MAMDC4: variants seen among roughly 807,000 people sequenced by gnomAD.
The protein encoded by MAMDC4 is apical endosomal glycoprotein.
Under a neutral mutation model 153.3 loss-of-function variants are expected in MAMDC4, and 168 were observed. The ratio of observed to expected loss-of-function variants is 1.10; its 90% CI spans 0.97 to 1.25. The LOEUF (loss-of-function observed/expected upper bound fraction) is 1.25. Ranked by LOEUF, MAMDC4 falls within the 50% of genes most tolerant of loss-of-function variation. The pLI is 0.00. For missense variants in MAMDC4, 1,701 were observed against 1,542.8 expected, an observed-to-expected ratio of 1.10 and a Z score of -1.72; for synonymous variants, 744 against 651.5, an observed-to-expected ratio of 1.14 and a Z score of -2.16.
chr9:136,859,067 G>C lies in MAMDC4; in HGVS notation c.3019G>C (p.Gly1007Arg). 2 of 1,554,742 alleles carry C rather than the reference G, an allele frequency of 1.3e-6. No homozygotes were observed. The highest frequency in any genetic ancestry group is 1.7e-6 in the Non-Finnish European group (2 of 1,148,516). The change falls in exon 24 of 27, where the codon GGC (glycine) becomes CGC (arginine). Residue 1007 changes from glycine (G) to arginine (R), a missense_variant. Transcript: ENST00000317446. ...GGGCCAGCTGGCTGTGTGGGGCGCA[G>C]GCGGGCATCGGCGGCACCAGTGGCT... ...AQGQLAVWGAGGHRRHQWLEA... is the reference protein window; with the variant it reads ...AQGQLAVWGARGHRRHQWLEA...
At chr9:136,857,114 C>T in intron 16 of MAMDC4, 51 bp from the exon 17 acceptor site, 1 of 1,605,208 alleles carries the variant, frequency 6.2e-7, no homozygotes, top group Non-Finnish European at 8.5e-7. Flanking sequence ...GCTCTGACAC[C>T]CATCAAGGCA....
rs377568043 is a variant in MAMDC4, at chr9:136,857,481, T to C, written c.2221T>C (p.Cys741Arg). ...TTACTGCTCCTTTGAGGACTCAGAC[T>C]GCGGCTTCTCCCCTGGAGGCCAAGG... The part of the protein sequence containing the change: ...PNYCSFEDSD[C>R]GFSPGGQGLW... The change falls in exon 18 of 27, where the codon TGC becomes CGC. Residue 741 changes from cysteine (C) to arginine (R), a missense_variant. By Grantham distance (180) the Cys-to-Arg change is radical. Coordinates refer to ENST00000317446, the MANE Select transcript of MAMDC4 (RefSeq NM_206920.3). The C allele has an allele frequency of 8.1e-6, 13 of 1,609,358 alleles. No individual in the cohort carries two copies. In the African/African-American group the frequency reaches 1.5e-4, roughly 18 times the overall value.
In MAMDC4 at chr9:136,853,449, A is replaced by G. The variant is rs755850870; in HGVS notation, c.319A>G (p.Thr107Ala). 6.2e-7 allele frequency: 1 copy of G among 1,602,756 alleles called. No individual in the cohort carries two copies. Residue 107 changes from threonine (T) to alanine (A), a missense_variant, in exon 3 of 27, where the codon ACC (threonine) becomes GCC (alanine). Transcript: ENST00000317446. ...GCCTCACTCAGACCACACACTGGGC[A>G]CCGACTTGGGTGAGGCCAGGGCAAG... is the stretch of plus-strand genomic sequence containing the variant. ...PGPHSDHTLGTDLGWYMAVGT... is the reference protein window; with the variant it reads ...PGPHSDHTLGADLGWYMAVGT...
rs1343903570 is a variant in MAMDC4 at position 136,854,091 on chromosome 9, C to T, written c.670+15C>T. 1.9e-6 allele frequency: 3 copies of T among 1,612,484 alleles called. 1 individual carries two copies. In the South Asian group the frequency reaches 3.3e-5, roughly 18 times the overall value. Reference sequence around the variant, plus strand: ...TGGTCTGCCCAGTAAGGCACCGCCTCTTCCTGTTCCACCCCCGGGAGGGCC... The same window carrying T: ...TGGTCTGCCCAGTAAGGCACCGCCTTTTCCTGTTCCACCCCCGGGAGGGCC... On this transcript the variant is annotated intron_variant, in intron 6 of 26. Coordinates refer to ENST00000317446, the MANE Select transcript of MAMDC4 (RefSeq NM_206920.3).
At position 136,859,195 on chromosome 9, in the gene MAMDC4, T is replaced by A. The variant is rs1196199288; in HGVS notation, c.3085-14T>A. ...CACCCAGGGCCCACACAAACTCCTT[T>A]CCTTCTCCATCAGATCGTGTTTGAA... is the stretch of plus-strand genomic sequence containing the variant. On this transcript the variant is annotated splice_polypyrimidine_tract_variant and intron_variant, in intron 24 of 26. Coordinates refer to ENST00000317446, the MANE Select transcript of MAMDC4 (RefSeq NM_206920.3). The A allele has an allele frequency of 6.2e-7, 1 of 1,607,342 alleles. No individual in the cohort carries two copies. Among genetic ancestry groups the A allele is most frequent in the Non-Finnish European group, 8.5e-7 (1 of 1,176,878 alleles).
At chr9:136,856,278 T>G in intron 14 of MAMDC4, 129 bp downstream of exon 14, 4 of 1,440,220 alleles carry the variant, frequency 2.8e-6, no homozygotes, top group Non-Finnish European at 3.9e-6. Flanking sequence ...CTAGTTGTGG[T>G]GGACAACGGC....
At position 136,854,346 on chromosome 9, in the gene MAMDC4, G is replaced by A. The variant is rs1320145319; in HGVS notation, c.796+10G>A. The A allele has an allele frequency of 2.6e-6, 4 of 1,541,554 alleles. No homozygotes were observed. On this transcript the variant is annotated intron_variant, in intron 7 of 26. Coordinates refer to ENST00000317446, the MANE Select transcript of MAMDC4 (RefSeq NM_206920.3). ...AACCCACTCACCTGTGGTGAGGCCG[G>A]AGTGGGGGCCCAGAGTGAGGCTGGG...
At position 136,853,996 on chromosome 9, in the gene MAMDC4, CCTT is replaced by C; in HGVS notation, c.593_595del (p.Phe198del). 2 of 1,612,926 alleles carry C rather than the reference CCTT, an allele frequency of 1.2e-6. No individual in the cohort carries two copies. The highest frequency in any genetic ancestry group is 1.7e-5 in the Admixed American group (1 of 60,008). On this transcript the variant is annotated inframe_deletion, in exon 6 of 27. Transcript: ENST00000317446. ...CTAAGAGCCTGTTCTCTTCAGGTGA[CCTT>C]CTCTGCCACCCGAAATGCCACCCAC... is the stretch of plus-strand genomic sequence containing the variant.
Position 136,856,097 on chromosome 9 carries a change from T to C in MAMDC4, c.1668T>C (p.Ser556=), listed in dbSNP as rs1176255115. The C allele has an allele frequency of 6.2e-7, 1 of 1,612,352 alleles. No individual in the cohort carries two copies. Among genetic ancestry groups the C allele is most frequent in the Non-Finnish European group, 8.5e-7 (1 of 1,179,880 alleles). ...ARVLTPLLGP[S]GPSCELHLAY... Reference sequence around the variant, plus strand: ...TCCTCACACCCCTCCTTGGCCCTTCTGGCCCCAGCTGTGAACTCCACCTGG... The same window carrying C: ...TCCTCACACCCCTCCTTGGCCCTTCCGGCCCCAGCTGTGAACTCCACCTGG... Residue 556 remains serine (S), a synonymous_variant, in exon 14 of 27, where the codon TCT becomes TCC. Coordinates refer to ENST00000317446, the MANE Select transcript of MAMDC4 (RefSeq NM_206920.3).
At position 136,858,720 on chromosome 9, in the gene MAMDC4, C is replaced by T. The variant is rs1263723689; in HGVS notation, c.2823C>T (p.Gly941=). 9.9e-6 allele frequency: 16 copies of T among 1,612,164 alleles called. No homozygotes were observed. In the East Asian group the frequency reaches 2.9e-4, roughly 29 times the overall value. The change falls in exon 23 of 27, where the codon GGC becomes GGT. Residue 941 remains glycine, a splice_region_variant and synonymous_variant. Coordinates refer to ENST00000317446, the MANE Select transcript of MAMDC4 (RefSeq NM_206920.3). ...GCATCAGCCTCCTCTTGTTCCCAGGCCACTTTGCCTTCTTTGAAACTGGCG... is the reference window on the plus strand; with the variant it reads ...GCATCAGCCTCCTCTTGTTCCCAGGTCACTTTGCCTTCTTTGAAACTGGCG... ...PVDHTLGTEA[G]HFAFFETGVL...
intron 13 of MAMDC4, 73 bp downstream of exon 13, chr9:136,855,921 C>T (rs1848997891): frequency 7.9e-6 from 12 of 1,518,986 alleles, no homozygotes; most frequent in African/African-American, 1.4e-5. Flanking sequence ...CTCTGCTCTG[C>T]CTCTGCACTA....
At position 136,853,352 on chromosome 9, in the gene MAMDC4, C is replaced by G; in HGVS notation, c.222C>G (p.Gly74=). The G allele has an allele frequency of 6.2e-7, 1 of 1,607,328 alleles. No homozygotes were observed. The highest frequency in any genetic ancestry group is 8.5e-7 in the Non-Finnish European group (1 of 1,175,840). Residue 74 remains glycine, a synonymous_variant, in exon 3 of 27, where the codon GGC becomes GGG. Coordinates refer to ENST00000317446, the MANE Select transcript of MAMDC4 (RefSeq NM_206920.3). ...GTGACTTCGAGCAGGACCCCTGCGG[C>G]TGGCGGGACATTAGTACCTCAGGCT... The part of the protein sequence containing the change: ...FACDFEQDPC[G]WRDISTSGYS...
chr9:136,859,772 G>A (rs906092464), intron 25 of MAMDC4, 114 bp from the exon 26 acceptor site: 1 of 1,110,942 alleles, frequency 9.0e-7, no homozygotes, highest in Non-Finnish European at 1.3e-6. Context: ...CTTTGAAATA[G>A]GGGTGAACCC....
At position 136,857,677 on chromosome 9, in the gene MAMDC4, A is replaced by G. The variant is rs1191801233; in HGVS notation, c.2345A>G (p.Asp782Gly). The G allele has an allele frequency of 6.2e-7, 1 of 1,612,344 alleles. No homozygotes were observed. The highest frequency in any genetic ancestry group is 1.3e-5 in the African/African-American group (1 of 74,854). Residue 782 changes from aspartate (D) to glycine (G), a missense_variant, in exon 19 of 27, where the codon GAC becomes GGC. Physicochemically the swap from Asp to Gly is moderately conservative, Grantham distance 94 (BLOSUM62 -1). Transcript: ENST00000317446. ...ETAQGHYMVV[D>G]TSPDALPRGQ... ...CCTCCAGGGCACTACATGGTGGTGG[A>G]CACAAGCCCAGACGCACTACCCCGG...
rs375985255 is a variant in MAMDC4 at position 136,856,970 on chromosome 9, C to G, written c.1901C>G (p.Ser634Cys). ...LAWGHSAHLL[S>C]RPQVPAAPTE... is the part of the protein sequence containing the mutation. ...TGGGGCCACAGTGCCCACCTGCTCTCCAGGCCCCAGGTGCCAGCAGCACCC... is the reference window on the plus strand; with the variant it reads ...TGGGGCCACAGTGCCCACCTGCTCTGCAGGCCCCAGGTGCCAGCAGCACCC... The change falls in exon 16 of 27, where the codon TCC becomes TGC. Residue 634 changes from serine to cysteine, a missense_variant. Physicochemically the swap from Ser to Cys is moderately radical, Grantham distance 112. Transcript: ENST00000317446. The G allele has an allele frequency of 6.2e-7, 1 of 1,612,572 alleles. No individual in the cohort carries two copies. The highest frequency in any genetic ancestry group is 1.1e-5 in the South Asian group (1 of 91,046).
At position 136,858,184 on chromosome 9, in the gene MAMDC4, AG is replaced by A. The variant is rs779967957; in HGVS notation, c.2584del. ...GAGGCTGCCCTGCCCTGCACCCGCC[AG>A]GTGGTGTTTGAGGCAGTGGCCGCAG... On this transcript the variant is annotated splice_acceptor_variant, in intron 20 of 26. Coordinates refer to ENST00000317446, the MANE Select transcript of MAMDC4 (RefSeq NM_206920.3). LOFTEE classifies it high-confidence loss of function. The A allele has an allele frequency of 1.9e-5, 29 of 1,535,376 alleles. No homozygotes were observed. Among genetic ancestry groups the A allele is most frequent in the Non-Finnish European group, 2.4e-5 (27 of 1,142,720 alleles).
At chr9:136,856,847 G>A (rs548352953) in intron 15 of MAMDC4, 21 bp downstream of exon 15, 83 of 1,612,342 alleles carry the variant, frequency 5.1e-5, no homozygotes, top group African/African-American at 1.7e-4. Context: ...CGCTCAGACC[G>A]GGGGTGGCTT....
rs771069768 is a variant in MAMDC4, at chr9:136,856,137, A to T, written c.1708A>T (p.Ser570Cys). ...ACTCCACCTGGCTTATTATTTACAG[A>T]GCCAGCCCCGAGGTACCGCCACACT... ...CELHLAYYLQSQPREVSCNFE... is the reference protein window; with the variant it reads ...CELHLAYYLQCQPREVSCNFE... The change falls in exon 14 of 27, where the codon AGC becomes TGC. Residue 570 changes from serine to cysteine, a missense_variant. Ser to Cys is a moderately radical substitution (Grantham distance 112). Transcript: ENST00000317446. 1 of 1,612,048 alleles carries T rather than the reference A, an allele frequency of 6.2e-7. No individual in the cohort carries two copies. Among genetic ancestry groups the T allele is most frequent in the Admixed American group, 1.7e-5 (1 of 59,976 alleles).
intron 1 of MAMDC4, 109 bp from the exon 2 acceptor site, chr9:136,852,993 G>A (rs1848947849): frequency 3.3e-6 from 3 of 897,272 alleles, no homozygotes; most frequent in Non-Finnish European, 5.2e-6. Context: ...CTGGTCTGAG[G>A]GGCATCCCCG....
Sources: gnomAD v4.1 joint callset for allele counts on GRCh38, gnomAD v4.1.1 for gene constraint, MANE v1.5 for transcripts, NCBI Gene and HGNC (gene_info 2026-07-23, HGNC 2026-07-21) for gene names.